Variants in CUX2 observed in about 807,000 individuals in gnomAD.
The protein encoded by CUX2 is cut like homeobox 2.
Under a neutral mutation model 144.8 loss-of-function variants are expected in CUX2, and 40 were observed. The ratio of observed to expected loss-of-function variants is 0.28; its 90% CI spans 0.21 to 0.36. The LOEUF (loss-of-function observed/expected upper bound fraction) is 0.36. CUX2 is among the 10% of genes least tolerant of loss of function. The probability of loss-of-function intolerance (pLI) is 1.00; values close to 1 mark genes in which losing one functional copy is unlikely to be tolerated. For missense variants in CUX2, 1,615 were observed against 1,994.0 expected (o/e 0.81, Z 3.62); for synonymous variants, 827 against 875.6 (o/e 0.94, Z 0.98).
At chr12:111,146,999 G>C (rs768142590) in intron 1 of CUX2, among the ~76,000 whole-genome samples, 2 of 152,034 alleles carry the variant, frequency 1.3e-5, no homozygotes, top group Non-Finnish European at 2.9e-5. Flanking sequence ...GTTGGGCATG[G>C]TGTCACGTGC....
At chr12:111,184,455 C>G (rs2136185616) in intron 1 of CUX2, among the ~76,000 whole-genome samples, 1 of 151,390 alleles carries the variant, frequency 6.6e-6, no homozygotes, top group East Asian at 1.9e-4. Flanking sequence ...ACAAAATATT[C>G]TGCAACCATA....
rs553696270 is a variant in CUX2, at chr12:111,341,663, G to T, written c.3386-117G>T. On this transcript the variant is annotated intron_variant, in intron 20 of 21. Transcript: ENST00000261726. Reference sequence around the variant, plus strand: ...TGGGGGGCGGGCCTCTAAGCTTAGGGCATGATGGCCTCCGAGTGGGCCTGA... The same window carrying T: ...TGGGGGGCGGGCCTCTAAGCTTAGGTCATGATGGCCTCCGAGTGGGCCTGA... The T allele has an allele frequency of 1.4e-4, 178 of 1,232,284 alleles. No individual in the cohort carries two copies. In the African/African-American group the frequency reaches 2.5e-3, roughly 17 times the overall value. 76.3% of individuals were successfully genotyped at this position (1,232,284 alleles called of 1,614,324 possible). A position where few individuals can be genotyped will look rare whatever the true frequency, so the allele number is the denominator to read the frequency against.
intron 1 of CUX2, among the ~76,000 whole-genome samples, chr12:111,079,535 G>A (rs542868768): frequency 2.0e-5 from 3 of 152,078 alleles, no homozygotes; most frequent in South Asian, 2.1e-4. Context: ...CTGTGTTTTC[G>A]GCTTGTCTTC....
chr12:111,312,576 T>C lies in CUX2; in HGVS notation c.2002+375T>C, dbSNP rs1384484638. Among the ~76,000 whole-genome samples, 1 of 152,002 alleles carries C rather than the reference T, an allele frequency of 6.6e-6. No homozygotes were observed. Among genetic ancestry groups the C allele is most frequent in the East Asian group, 1.9e-4 (1 of 5,160 alleles). ...TTACCTGGGCATGGTGATATGTGCC[T>C]GTAATCCCAGCTACTTAGAAGGCTG... On this transcript the variant is annotated intron_variant, in intron 16 of 21. Coordinates refer to ENST00000261726, the MANE Select transcript of CUX2 (RefSeq NM_015267.4). This position sits in a 1 kb window ranked among gnomAD's most constrained non-coding sequence, Gnocchi z 4.3.
intron 1 of CUX2, among the ~76,000 whole-genome samples, chr12:111,097,167 G>A (rs572532788): frequency 6.6e-6 from 1 of 152,290 alleles, no homozygotes; most frequent in East Asian, 1.9e-4. Flanking sequence ...CCTCTGATGG[G>A]AGCTCTGGTC....
chr12:111,302,599 T>A (rs1439663652), intron 9 of CUX2, among the ~76,000 whole-genome samples: 1 of 152,182 alleles, frequency 6.6e-6, no homozygotes, highest in Non-Finnish European at 1.5e-5. Context: ...AGAAATTTTT[T>A]AAGAATTAAG....
rs187964442 is a variant in CUX2, at chr12:111,295,063, T to C, written c.561-270T>C. ...AACCTCATTTTAAAAATAAGGAAACTGAGGACCAGAGAGGTTGCTTGCTAC... is the reference window on the plus strand; with the variant it reads ...AACCTCATTTTAAAAATAAGGAAACCGAGGACCAGAGAGGTTGCTTGCTAC... On this transcript the variant is annotated intron_variant, in intron 6 of 21. Coordinates refer to ENST00000261726, the MANE Select transcript of CUX2 (RefSeq NM_015267.4). The surrounding 1 kb of genome is among the most constrained non-coding windows in gnomAD (Gnocchi z 5.0). Among the ~76,000 whole-genome samples the C allele has an allele frequency of 4.0e-4, 61 of 152,244 alleles. No individual in the cohort carries two copies. Among genetic ancestry groups the C allele is most frequent in the Non-Finnish European group, 7.9e-4 (54 of 68,018 alleles).
At chr12:111,158,747 A>T (rs1566261756) in intron 1 of CUX2, among the ~76,000 whole-genome samples, 1 of 152,212 alleles carries the variant, frequency 6.6e-6, no homozygotes. Flanking sequence ...AAATGTAATT[A>T]AAACTTTCTA....
Position 111,347,937 on chromosome 12 carries a change from G to A in CUX2, c.4073G>A (p.Cys1358Tyr), listed in dbSNP as rs774145579. 5 of 1,614,106 alleles carry A rather than the reference G, an allele frequency of 3.1e-6. No individual in the cohort carries two copies. The South Asian group carries it at 3.3e-5, about 11-fold the overall frequency. ...CTTCCAGGTGGATCCACCCCAGACT[G>A]TCCCTCACTTCATCCCCAACAGGAG... Reference protein sequence around the residue: ...PLLPGGSTPDCPSLHPQQESE... With the variant: ...PLLPGGSTPDYPSLHPQQESE... Residue 1358 changes from cysteine (C) to tyrosine (Y), a missense_variant, in exon 22 of 22, where the codon TGT becomes TAT. Physicochemically the swap from Cys to Tyr is radical, Grantham distance 194. Around this residue, in one of 12 missense-constraint regions of CUX2, gnomAD observed 298 missense variants for 330.4 expected, o/e 0.90. Transcript: ENST00000261726.
chr12:111,175,796 A>C (rs1343073209), intron 1 of CUX2, among the ~76,000 whole-genome samples: 1 of 151,994 alleles, frequency 6.6e-6, no homozygotes, highest in Non-Finnish European at 1.5e-5. Context: ...CGCCGGTTGC[A>C]ATGTTTTTGT....
intron 3 of CUX2, among the ~76,000 whole-genome samples, chr12:111,222,557 C>T (rs771195329): frequency 3.0e-4 from 45 of 152,274 alleles, no homozygotes; most frequent in South Asian, 1.9e-3. Context: ...AGTGGGCTGA[C>T]CTGGCCTCTG....
chr12:111,315,898 G>T (rs747966700), intron 16 of CUX2, among the ~76,000 whole-genome samples: 3 of 152,082 alleles, frequency 2.0e-5, no homozygotes, highest in Non-Finnish European at 4.4e-5. Flanking sequence ...GATACTAAAT[G>T]GGGACAAACC....
intron 1 of CUX2, among the ~76,000 whole-genome samples, chr12:111,131,968 A>G (rs550478945): frequency 6.6e-6 from 1 of 152,322 alleles, no homozygotes; most frequent in Non-Finnish European, 1.5e-5. Flanking sequence ...CAGCTCCACT[A>G]GGCAGTGCCC....
chr12:111,172,633 C>T (rs1021555647), intron 1 of CUX2, among the ~76,000 whole-genome samples: 1 of 152,222 alleles, frequency 6.6e-6, no homozygotes, highest in African/African-American at 2.4e-5. Flanking sequence ...TGGGTGGAGG[C>T]TCCGAACCTC....
intron 2 of CUX2, 88 bp downstream of exon 2, chr12:111,214,398 A>C (rs1881416633): frequency 1.4e-6 from 1 of 732,500 alleles, no homozygotes; most frequent in Non-Finnish European, 2.2e-6. Flanking sequence ...TGTAGATGCA[A>C]GTGACTAACA....
chr12:111,170,983 T>A (rs1878487214), intron 1 of CUX2, among the ~76,000 whole-genome samples: 1 of 151,822 alleles, frequency 6.6e-6, no homozygotes, highest in Non-Finnish European at 1.5e-5. Flanking sequence ...TCAAGGTGCA[T>A]GGGAATGGGA....
intron 18 of CUX2, among the ~76,000 whole-genome samples, chr12:111,332,021 G>A (rs1427293560): frequency 6.6e-6 from 1 of 151,526 alleles, no homozygotes; most frequent in Non-Finnish European, 1.5e-5. Context: ...CTAGGTTGCA[G>A]TGCGCCAAGA....
chr12:111,270,818 C>T (rs184056434), intron 4 of CUX2, among the ~76,000 whole-genome samples: 17 of 152,210 alleles, frequency 1.1e-4, no homozygotes, highest in Non-Finnish European at 2.4e-4. Flanking sequence ...TGCTCCTTCT[C>T]TTGGGGGGGA....
At chr12:111,308,199 G>A in intron 12 of CUX2, 86 bp from the exon 13 acceptor site, 4 of 1,450,110 alleles carry the variant, frequency 2.8e-6, no homozygotes, top group Non-Finnish European at 3.9e-6. Context: ...TTGTCAGGGA[G>A]GTAAGCCGGG....
Sources: gnomAD v4.1 joint callset for allele counts (sites outside exome capture counted in the v4.1 genomes callset) on GRCh38, gnomAD v4.1.1 for gene constraint, gnomAD v4.1.1 regional missense constraint, Gnocchi (gnomAD v3.1) non-coding constraint, MANE v1.5 for transcripts, NCBI Gene and HGNC (gene_info 2026-07-23, HGNC 2026-07-21) for gene names.